Variants in POLA1 observed in about 807,000 individuals in gnomAD.
POLA1 encodes DNA polymerase alpha catalytic subunit.
POLA1 carries 15 observed loss-of-function variants against 124.0 expected under a neutral mutation model. The observed-to-expected ratio is 0.12, with a 90% CI of 0.08 to 0.19. POLA1 has a LOEUF of 0.19. Among genes scored for constraint, POLA1 ranks in the 10% least tolerant of loss-of-function variants. The pLI is 1.00. For synonymous variants in POLA1, 408 were observed against 389.4 expected (o/e 1.05, Z -0.56); for missense variants, 886 against 1,103.4 (o/e 0.80, Z 2.79).
intron 35 of POLA1, among the ~76,000 whole-genome samples, chrX:24,911,787 A>T (rs1486228632): frequency 8.9e-6 from 1 of 112,041 alleles, no homozygotes; most frequent in African/African-American, 3.2e-5. Flanking sequence ...TTTTAAAAAT[A>T]ATAAGGGAAT....
chrX:24,807,653 A>G (rs953271423), intron 26 of POLA1, among the ~76,000 whole-genome samples: 3 of 111,856 alleles, frequency 2.7e-5, no homozygotes, highest in African/African-American at 9.8e-5. Flanking sequence ...AGGCACAAAC[A>G]TGTGGTCTGA....
chrX:24,776,799 TACAA>T (rs1193259155), intron 26 of POLA1, among the ~76,000 whole-genome samples: 1 of 112,367 alleles, frequency 8.9e-6, no homozygotes, highest in African/African-American at 3.2e-5. Flanking sequence ...ACTATTTAAA[TACAA>T]ACAAATGATA....
intron 31 of POLA1, 81 bp downstream of exon 31, chrX:24,821,664 G>T (rs1047037316): frequency 8.3e-6 from 6 of 726,058 alleles, no homozygotes; most frequent in Non-Finnish European, 1.2e-5. Context: ...GTCTTATTTA[G>T]CATTCTCCCC....
intron 34 of POLA1, among the ~76,000 whole-genome samples, chrX:24,856,429 A>T (rs2046646567): frequency 8.9e-6 from 1 of 112,113 alleles, no homozygotes; most frequent in Non-Finnish European, 1.9e-5. Flanking sequence ...AGTCTGGGGA[A>T]ATTATGAGTT....
At chrX:24,879,940 G>A (rs1229057037) in intron 34 of POLA1, among the ~76,000 whole-genome samples, 2 of 111,748 alleles carry the variant, frequency 1.8e-5, no homozygotes, top group African/African-American at 3.3e-5. Context: ...ACAGTATAAC[G>A]AGAGAAGATG....
intron 10 of POLA1, among the ~76,000 whole-genome samples, chrX:24,722,351 G>A (rs1199075470): frequency 8.9e-6 from 1 of 112,087 alleles, no homozygotes; most frequent in African/African-American, 3.2e-5. Flanking sequence ...CTAAAAAGGT[G>A]TGGTTTTACT....
chrX:24,913,734 A>AG (rs2047486624), intron 35 of POLA1, among the ~76,000 whole-genome samples: 1 of 105,155 alleles, frequency 9.5e-6, no homozygotes, highest in African/African-American at 3.5e-5. Context: ...CAAAAAAAAA[A>AG]CAGTCATGGT....
At chrX:24,811,861 A>G (rs190395252) in intron 28 of POLA1, among the ~76,000 whole-genome samples, 1 of 112,331 alleles carries the variant, frequency 8.9e-6, no homozygotes, top group East Asian at 2.8e-4. Flanking sequence ...TGAAAAGTCA[A>G]GGGGACATTT....
chrX:24,932,044 A>G (rs928296626), intron 36 of POLA1, among the ~76,000 whole-genome samples: 5 of 111,456 alleles, frequency 4.5e-5, no homozygotes. Flanking sequence ...GATTATAGGC[A>G]TGTGCCACCA....
At chrX:24,936,664 T>G (rs2047852147) in intron 36 of POLA1, among the ~76,000 whole-genome samples, 1 of 111,569 alleles carries the variant, frequency 9.0e-6, no homozygotes, top group African/African-American at 3.3e-5. Context: ...CCCGAGTAGC[T>G]GGGACTACAG....
At chrX:24,745,338 A>T (rs981520301) in intron 23 of POLA1, 80 bp from the exon 24 acceptor site, 2 of 689,488 alleles carry the variant, frequency 2.9e-6, no homozygotes, top group African/African-American at 2.2e-5. Flanking sequence ...TTTCTAATAT[A>T]CTTACAGTGC....
chrX:24,956,322 T>C (rs80189531), intron 36 of POLA1, among the ~76,000 whole-genome samples: 1 of 108,407 alleles, frequency 9.2e-6, no homozygotes, highest in African/African-American at 3.3e-5. Context: ...TATATACACA[T>C]GTATTTATAT....
intron 35 of POLA1, among the ~76,000 whole-genome samples, chrX:24,901,076 TAA>T (rs2047271445): frequency 8.9e-6 from 1 of 111,912 alleles, no homozygotes; most frequent in Non-Finnish European, 1.9e-5. Context: ...AGCAGGAATC[TAA>T]AATTAAGTCC....
At chrX:24,771,776 A>C (rs1278044183) in intron 26 of POLA1, among the ~76,000 whole-genome samples, 1 of 111,954 alleles carries the variant, frequency 8.9e-6, no homozygotes, top group Non-Finnish European at 1.9e-5. Flanking sequence ...AGCACATGAA[A>C]GTGCTAGTTT....
chrX:24,835,046 T>G (rs1228524754), intron 32 of POLA1, among the ~76,000 whole-genome samples: 1 of 108,734 alleles, frequency 9.2e-6, no homozygotes, highest in African/African-American at 3.3e-5. Context: ...ATTTTGCATT[T>G]CCTTTTTTTT....
chrX:24,974,739 G>A (rs993384925), intron 36 of POLA1, among the ~76,000 whole-genome samples: 4 of 111,402 alleles, frequency 3.6e-5, no homozygotes, highest in African/African-American at 1.3e-4. Flanking sequence ...GTTGATAGGT[G>A]CAGCAAACCA....
intron 36 of POLA1, among the ~76,000 whole-genome samples, chrX:24,980,658 T>C (rs1394374072): frequency 2.7e-5 from 3 of 110,893 alleles, no homozygotes; most frequent in African/African-American, 9.8e-5. Context: ...GTTTTTCTTT[T>C]GTATGTGGCT....
intron 26 of POLA1, among the ~76,000 whole-genome samples, chrX:24,772,792 A>G (rs1212020839): frequency 8.9e-6 from 1 of 111,737 alleles, no homozygotes; most frequent in Non-Finnish European, 1.9e-5. Context: ...TCAAAGACCT[A>G]AAAACAACTA....
intron 36 of POLA1, among the ~76,000 whole-genome samples, chrX:24,957,609 A>G (rs961077084): frequency 3.6e-5 from 4 of 112,218 alleles, no homozygotes; most frequent in African/African-American, 1.3e-4. Flanking sequence ...AATGATTTAT[A>G]TAAATTTTAA....
Sources: gnomAD v4.1 joint callset for allele counts (sites outside exome capture counted in the v4.1 genomes callset) on GRCh38, gnomAD v4.1.1 for gene constraint, MANE v1.5 for transcripts, NCBI Gene and HGNC (gene_info 2026-07-23, HGNC 2026-07-21) for gene names.